The following RABGAP1L variants were observed in gnomAD, a reference collection of about 807,000 sequenced individuals.
RABGAP1L encodes RAB GTPase activating protein 1 like.
A neutral mutation model predicts 137.7 loss-of-function variants in RABGAP1L; 63 were observed. That is an observed-to-expected ratio of 0.46 (90% CI 0.37 to 0.56). The LOEUF (loss-of-function observed/expected upper bound fraction) is 0.56. Among genes scored for constraint, RABGAP1L ranks in the 20% least tolerant of loss-of-function variants. The pLI is 0.00. For synonymous variants in RABGAP1L, 431 were observed against 433.7 expected, an observed-to-expected ratio of 0.99 and a Z score of 0.08; for missense variants, 1,095 against 1,244.0, an observed-to-expected ratio of 0.88 and a Z score of 1.80.
chr1:174,366,032 A>C (rs1027064020), intron 11 of RABGAP1L, among the ~76,000 whole-genome samples: 1 of 152,128 alleles, frequency 6.6e-6, no homozygotes, highest in Non-Finnish European at 1.5e-5. Context: ...TTTGGTGACA[A>C]ATACCAGTAT....
intron 13 of RABGAP1L, among the ~76,000 whole-genome samples, chr1:174,512,418 G>C (rs1346530034): frequency 1.3e-5 from 2 of 152,174 alleles, no homozygotes; most frequent in Non-Finnish European, 2.9e-5. Flanking sequence ...GAAATGTATG[G>C]TGGTAGGTGT....
intron 20 of RABGAP1L, among the ~76,000 whole-genome samples, chr1:174,962,155 A>G (rs1183603776): frequency 4.7e-5 from 7 of 150,454 alleles, no homozygotes; most frequent in Admixed American, 4.6e-4. Flanking sequence ...AGCCTGGGCG[A>G]CAGAGTGAGA....
At chr1:174,712,334 G>C (rs1680609457) in intron 17 of RABGAP1L, among the ~76,000 whole-genome samples, 1 of 152,182 alleles carries the variant, frequency 6.6e-6, no homozygotes, top group Non-Finnish European at 1.5e-5. Context: ...TGAGCTGTAA[G>C]ACTCACTGCG....
At chr1:174,567,053 A>G (rs538237999) in intron 13 of RABGAP1L, among the ~76,000 whole-genome samples, 1 of 152,230 alleles carries the variant, frequency 6.6e-6, no homozygotes, top group East Asian at 1.9e-4. Flanking sequence ...AATTACACTG[A>G]TAAGTGTATA....
chr1:174,510,133 T>A (rs1488402991), intron 13 of RABGAP1L, among the ~76,000 whole-genome samples: 1 of 152,202 alleles, frequency 6.6e-6, no homozygotes, highest in Non-Finnish European at 1.5e-5. Context: ...AAGACCAGAA[T>A]TTTTAGCTTC....
intron 20 of RABGAP1L, chr1:174,957,879 C>G: frequency 1.3e-6 from 2 of 1,570,680 alleles, no homozygotes; most frequent in Non-Finnish European, 1.7e-6. Context: ...CATAATATTT[C>G]TTTTCTTTCA....
At chr1:174,550,895 T>TATATATATATATAC (rs1456087584) in intron 13 of RABGAP1L, among the ~76,000 whole-genome samples, 22 of 50,946 alleles carry the variant, frequency 4.3e-4, no homozygotes, top group Non-Finnish European at 6.6e-4. Flanking sequence ...TATATATATA[T>TATATATATATATAC]ACACACACAC....
chr1:174,642,146 T>C (rs1190014744), intron 14 of RABGAP1L, among the ~76,000 whole-genome samples: 1 of 152,178 alleles, frequency 6.6e-6, no homozygotes, highest in African/African-American at 2.4e-5. Flanking sequence ...TCATTTTTTG[T>C]TTGGTGTAAA....
intron 7 of RABGAP1L, among the ~76,000 whole-genome samples, chr1:174,258,480 G>A (rs1673306524): frequency 6.6e-6 from 1 of 152,054 alleles, no homozygotes. Context: ...GAGAGATGGG[G>A]GTCTCCCTAT....
At chr1:174,820,787 C>T (rs1237829017) in intron 19 of RABGAP1L, among the ~76,000 whole-genome samples, 3 of 152,082 alleles carry the variant, frequency 2.0e-5, no homozygotes, top group African/African-American at 2.4e-5. Flanking sequence ...GAGGCTGAGG[C>T]GGGCAGATCG....
At chr1:174,858,989 A>C (rs1475938284) in intron 19 of RABGAP1L, among the ~76,000 whole-genome samples, 1 of 152,230 alleles carries the variant, frequency 6.6e-6, no homozygotes, top group African/African-American at 2.4e-5. Flanking sequence ...CCATTGTGGA[A>C]AAGATAGTGT....
At chr1:174,578,221 G>A (rs1668510514) in intron 13 of RABGAP1L, among the ~76,000 whole-genome samples, 1 of 152,058 alleles carries the variant, frequency 6.6e-6, no homozygotes, top group African/African-American at 2.4e-5. Flanking sequence ...GTCTCACTCT[G>A]ACACCCAGGG....
chr1:174,576,359 A>G (rs1038924322), intron 13 of RABGAP1L, among the ~76,000 whole-genome samples: 2 of 152,168 alleles, frequency 1.3e-5, no homozygotes, highest in African/African-American at 4.8e-5. Context: ...GCGTCCGTTT[A>G]TAGGCTCTCC....
intron 13 of RABGAP1L, among the ~76,000 whole-genome samples, chr1:174,615,391 A>T (rs10912816): frequency 0.14 from 21,534 of 151,922 alleles, 5,099 homozygotes; most frequent in African/African-American, 0.49. Context: ...AGAACTGCGG[A>T]TTTTCGTGAA....
chr1:174,541,708 G>A (rs1485536007), intron 13 of RABGAP1L, among the ~76,000 whole-genome samples: 5 of 152,030 alleles, frequency 3.3e-5, no homozygotes, highest in East Asian at 1.9e-4. Flanking sequence ...CCCGGGAGGC[G>A]GAGCTTGTAG....
chr1:174,751,947 G>A (rs1027078993), intron 17 of RABGAP1L, among the ~76,000 whole-genome samples: 1 of 151,818 alleles, frequency 6.6e-6, no homozygotes, highest in Non-Finnish European at 1.5e-5. Flanking sequence ...GTAACACCGA[G>A]ATGTCCAGAT....
intron 7 of RABGAP1L, among the ~76,000 whole-genome samples, chr1:174,258,935 T>C (rs1290568286): frequency 6.6e-6 from 1 of 151,712 alleles, no homozygotes; most frequent in African/African-American, 2.4e-5. Flanking sequence ...CCACCACTAC[T>C]CTGGGCTAAT....
chr1:174,628,886 TA>T (rs1416522173), intron 13 of RABGAP1L, among the ~76,000 whole-genome samples: 2 of 152,118 alleles, frequency 1.3e-5, no homozygotes, highest in Non-Finnish European at 2.9e-5. Flanking sequence ...AATGAATTCA[TA>T]TCAGTTTTGG....
intron 13 of RABGAP1L, 138 bp downstream of exon 13, chr1:174,394,283 T>G: frequency 1.0e-6 from 1 of 963,094 alleles, no homozygotes; most frequent in Non-Finnish European, 1.5e-6. Context: ...TACTTCTACC[T>G]TTTGTTCTGA....
Sources: allele counts gnomAD v4.1 joint callset (sites outside exome capture counted in the v4.1 genomes callset), GRCh38; gene constraint gnomAD v4.1.1; transcripts MANE v1.5; gene names NCBI Gene and HGNC (gene_info 2026-07-23, HGNC 2026-07-21).